Variants in ADGRB3 observed in about 807,000 individuals in gnomAD.
The protein encoded by ADGRB3 is brain-specific angiogenesis inhibitor 3.
ADGRB3 carries 37 observed loss-of-function variants against 193.4 expected under a neutral mutation model. That is an observed-to-expected ratio of 0.19 (90% CI 0.15 to 0.25). The LOEUF is 0.25. ADGRB3 is among the 10% of genes least tolerant of loss of function. The probability of loss-of-function intolerance (pLI) is 1.00; values close to 1 mark genes in which losing one functional copy is unlikely to be tolerated. For synonymous variants in ADGRB3, 690 were observed against 644.2 expected (o/e 1.07, Z -1.08); for missense variants, 1,637 against 1,852.9 (o/e 0.88, Z 2.14).
chr6:69,129,025 A>G (rs1401044697), intron 17 of ADGRB3, among the ~76,000 whole-genome samples: 2 of 152,164 alleles, frequency 1.3e-5, no homozygotes, highest in African/African-American at 4.8e-5. Flanking sequence ...TTCTTAGGGT[A>G]AGTGATTTAC....
rs6940189 is a variant in ADGRB3 at position 68,879,664 on chromosome 6, G to A, written c.758-50895G>A. ...CATCTTTCTAGTGGTCTTGGGGAAA[G>A]TTTCAGGGAGAACTTTCTTTGTTGC... On this transcript the variant is annotated intron_variant, in intron 3 of 31. Coordinates refer to ENST00000370598, the MANE Select transcript of ADGRB3 (RefSeq NM_001704.3). Among the ~76,000 whole-genome samples, 251 of 152,248 alleles carry A rather than the reference G, an allele frequency of 1.6e-3. 3 individuals are homozygous for A. The highest frequency in any genetic ancestry group is 5.8e-3 in the African/African-American group (241 of 41,536).
chr6:68,951,373 C>T (rs565530867), intron 6 of ADGRB3, among the ~76,000 whole-genome samples: 16 of 152,116 alleles, frequency 1.1e-4, no homozygotes, highest in Non-Finnish European at 2.1e-4. Flanking sequence ...TGCCTGAGCA[C>T]TCCCTATCAC....
At chr6:68,710,142 A>G (rs1765385786) in intron 3 of ADGRB3, among the ~76,000 whole-genome samples, 1 of 152,206 alleles carries the variant, frequency 6.6e-6, no homozygotes, top group South Asian at 2.1e-4. Flanking sequence ...TCAGGGGGCT[A>G]CAGAGGCTGG....
At chr6:68,779,099 A>C (rs983474625) in intron 3 of ADGRB3, among the ~76,000 whole-genome samples, 2 of 151,958 alleles carry the variant, frequency 1.3e-5, no homozygotes, top group Admixed American at 6.6e-5. Context: ...ATACACGTAC[A>C]TATTACGTGT....
intron 20 of ADGRB3, among the ~76,000 whole-genome samples, chr6:69,254,500 A>G (rs1157679746): frequency 1.3e-5 from 2 of 152,162 alleles, no homozygotes; most frequent in Admixed American, 6.5e-5. Context: ...TGTTTCAGCG[A>G]TATGAAAACA....
chr6:68,955,761 C>T (rs1381694331), intron 6 of ADGRB3, among the ~76,000 whole-genome samples: 5 of 151,494 alleles, frequency 3.3e-5, no homozygotes, highest in Non-Finnish European at 7.4e-5. Context: ...CGTTACACTC[C>T]AGCCTGGACA....
At chr6:69,244,566 C>G (rs887766301) in intron 20 of ADGRB3, among the ~76,000 whole-genome samples, 3 of 152,068 alleles carry the variant, frequency 2.0e-5, no homozygotes, top group African/African-American at 7.2e-5. Context: ...TTACAGCTAT[C>G]CATTCAGTTC....
intron 20 of ADGRB3, among the ~76,000 whole-genome samples, chr6:69,318,276 T>G (rs1768362162): frequency 6.6e-6 from 1 of 151,448 alleles, no homozygotes; most frequent in Non-Finnish European, 1.5e-5. Flanking sequence ...CAAATAACAT[T>G]TTTTAAAATT....
intron 29 of ADGRB3, among the ~76,000 whole-genome samples, chr6:69,371,633 A>G (rs1437949326): frequency 6.6e-6 from 1 of 152,122 alleles, no homozygotes; most frequent in Non-Finnish European, 1.5e-5. Flanking sequence ...ATCATATCAC[A>G]TGAAATATAT....
At chr6:68,780,624 G>A (rs967364084) in intron 3 of ADGRB3, among the ~76,000 whole-genome samples, 8 of 152,074 alleles carry the variant, frequency 5.3e-5, no homozygotes, top group Non-Finnish European at 1.0e-4. Context: ...CAGTCCTTAC[G>A]AGGCTATAAA....
chr6:69,124,930 C>T (rs982839910), intron 17 of ADGRB3, among the ~76,000 whole-genome samples: 59 of 151,296 alleles, frequency 3.9e-4, no homozygotes, highest in African/African-American at 1.2e-3. Flanking sequence ...GTTGTCATTC[C>T]ATATTTATGG....
At position 69,055,103 on chromosome 6, in the gene ADGRB3, A is replaced by G. The variant is rs565702512; in HGVS notation, c.2333+5757A>G. Among the ~76,000 whole-genome samples, 120 of 152,290 alleles carry G rather than the reference A, an allele frequency of 7.9e-4. 1 individual carries two copies. The highest frequency in any genetic ancestry group is 2.7e-3 in the African/African-American group (111 of 41,572). On this transcript the variant is annotated intron_variant, in intron 15 of 31. Coordinates refer to ENST00000370598, the MANE Select transcript of ADGRB3 (RefSeq NM_001704.3). ...CTGTATGTGTGCTATTAGTTCTGCC[A>G]TCTCCTCCATTGGTGATTTTTCTAT...
At chr6:68,733,597 T>C (rs774501724) in intron 3 of ADGRB3, among the ~76,000 whole-genome samples, 6 of 151,648 alleles carry the variant, frequency 4.0e-5, no homozygotes, top group Non-Finnish European at 5.9e-5. Context: ...AATATAACCA[T>C]GTAACAAATC....
At chr6:68,742,076 C>T (rs574283124) in intron 3 of ADGRB3, among the ~76,000 whole-genome samples, 10 of 152,154 alleles carry the variant, frequency 6.6e-5, no homozygotes, top group Admixed American at 6.5e-4. Flanking sequence ...GAAACACTTT[C>T]CCTGAAATAA....
At chr6:69,064,671 A>C (rs1771848642) in intron 16 of ADGRB3, among the ~76,000 whole-genome samples, 1 of 152,124 alleles carries the variant, frequency 6.6e-6, no homozygotes, top group South Asian at 2.1e-4. Context: ...CAGATTATAG[A>C]ATTACTGAAG....
intron 20 of ADGRB3, among the ~76,000 whole-genome samples, chr6:69,256,641 G>A (rs1418117494): frequency 1.7e-4 from 26 of 152,014 alleles, no homozygotes; most frequent in African/African-American, 3.6e-4. Context: ...CAATCATGTC[G>A]TCTGCAAACA....
At chr6:68,958,907 GTGTGTA>G (rs1403737390) in intron 8 of ADGRB3, among the ~76,000 whole-genome samples, 7 of 128,692 alleles carry the variant, frequency 5.4e-5, no homozygotes, top group African/African-American at 2.0e-4. Context: ...GTGTGTGTGT[GTGTGTA>G]CATATACACC....
At chr6:68,919,380 T>C (rs1319670797) in intron 3 of ADGRB3, among the ~76,000 whole-genome samples, 1 of 152,212 alleles carries the variant, frequency 6.6e-6, no homozygotes. Flanking sequence ...AGGGAAATGA[T>C]TATTTCTTTT....
At chr6:69,023,638 G>A (rs993614937) in intron 13 of ADGRB3, among the ~76,000 whole-genome samples, 1 of 152,130 alleles carries the variant, frequency 6.6e-6, no homozygotes, top group Non-Finnish European at 1.5e-5. Context: ...ATAATAGGGA[G>A]TCACTGAATC....
Sources: gnomAD v4.1 joint callset for allele counts (sites outside exome capture counted in the v4.1 genomes callset) on GRCh38, gnomAD v4.1.1 for gene constraint, MANE v1.5 for transcripts, NCBI Gene and HGNC (gene_info 2026-07-23, HGNC 2026-07-21) for gene names.